The following ITPR2 variants were observed in gnomAD, a reference collection of about 807,000 sequenced individuals.
The protein encoded by ITPR2 is inositol 1,4,5-trisphosphate-gated calcium channel ITPR2.
ITPR2 carries 207 observed loss-of-function variants against 317.1 expected under a neutral mutation model. That is an observed-to-expected ratio of 0.65 (90% CI 0.58 to 0.73). The LOEUF (loss-of-function observed/expected upper bound fraction) is 0.73. Ranked by LOEUF, ITPR2 falls within the 30% of genes least tolerant of loss-of-function variation. The pLI, the probability that ITPR2 is intolerant of heterozygous loss-of-function variation, is 0.00. For synonymous variants in ITPR2, 1,156 were observed against 1,149.1 expected (o/e 1.01, Z -0.12); for missense variants, 2,613 against 3,284.0 (o/e 0.80, Z 4.99).
intron 9 of ITPR2, among the ~76,000 whole-genome samples, chr12:26,697,624 C>A (rs1948374932): frequency 6.6e-6 from 1 of 152,056 alleles, no homozygotes; most frequent in Admixed American, 6.6e-5. Context: ...TCCTGGCCAA[C>A]ATGGTAAGAC....
intron 50 of ITPR2, 45 bp from the exon 51 acceptor site, chr12:26,415,543 G>A: frequency 7.6e-7 from 1 of 1,310,626 alleles, no homozygotes; most frequent in South Asian, 1.9e-5. Context: ...AGGCATTGGA[G>A]GAAAAGGTGA....
intron 37 of ITPR2, among the ~76,000 whole-genome samples, chr12:26,506,284 G>A (rs911221778): frequency 2.8e-4 from 42 of 151,814 alleles, no homozygotes; most frequent in African/African-American, 1.0e-3. Context: ...CCAGGCAGGA[G>A]GATCACTTGA....
chr12:26,420,570 A>G (rs1347019430), intron 49 of ITPR2, among the ~76,000 whole-genome samples: 1 of 152,100 alleles, frequency 6.6e-6, no homozygotes, highest in East Asian at 1.9e-4. Context: ...AGCAACTAAA[A>G]AGGCCAAACC....
At position 26,822,085 on chromosome 12, in the gene ITPR2, T is replaced by G. The variant is rs146829710; in HGVS notation, c.92+10605A>C. On this transcript the variant is annotated intron_variant, in intron 1 of 56. Transcript: ENST00000381340. The stretch of plus-strand genomic sequence containing the variant: ...TTTCATAATTAGTCATTACAGGATC[T>G]CAGAGAGCTAGAGAACTAGACATTA... Among the ~76,000 whole-genome samples the G allele has an allele frequency of 1.0e-3, 158 of 152,318 alleles. 2 individuals carry two copies. In the East Asian group the frequency reaches 0.025, roughly 24 times the overall value.
At chr12:26,496,129 A>C (rs1942926142) in intron 37 of ITPR2, among the ~76,000 whole-genome samples, 1 of 152,240 alleles carries the variant, frequency 6.6e-6, no homozygotes, top group Non-Finnish European at 1.5e-5. Context: ...TAAAAGCATT[A>C]TTTAAGGAAT....
intron 2 of ITPR2, among the ~76,000 whole-genome samples, chr12:26,766,285 T>A (rs1431303481): frequency 6.6e-6 from 1 of 152,028 alleles, no homozygotes; most frequent in Non-Finnish European, 1.5e-5. Context: ...TGGATAATAC[T>A]TTTTATTATC....
rs150061948 is a variant in ITPR2 at position 26,460,585 on chromosome 12, G to A, written c.6342+14711C>T. Among the ~76,000 whole-genome samples the A allele has an allele frequency of 2.1e-4, 32 of 152,310 alleles. No individual in the cohort carries two copies. The East Asian group carries it at 6.2e-3, about 29-fold the overall frequency. Reference sequence around the variant, plus strand: ...AGATGATCAGCCTATCAGACAAATAGGGAAGGAAGCTGAGAAGGTGAAAAG... The same window carrying A: ...AGATGATCAGCCTATCAGACAAATAAGGAAGGAAGCTGAGAAGGTGAAAAG... On this transcript the variant is annotated intron_variant, in intron 45 of 56. Coordinates refer to ENST00000381340, the MANE Select transcript of ITPR2 (RefSeq NM_002223.4).
intron 15 of ITPR2, among the ~76,000 whole-genome samples, chr12:26,662,211 A>C (rs559402701): frequency 4.1e-4 from 62 of 152,286 alleles, no homozygotes; most frequent in Non-Finnish European, 6.5e-4. Context: ...TTTCTTCCCC[A>C]AAAATGTTCA....
chr12:26,679,736 T>C (rs978239292), intron 13 of ITPR2, among the ~76,000 whole-genome samples: 12 of 152,144 alleles, frequency 7.9e-5, no homozygotes, highest in Admixed American at 7.9e-4. Flanking sequence ...CTTTTCTTTT[T>C]TCTTTTTCAA....
In ITPR2 at chr12:26,487,190, T is replaced by G. The variant is rs375572383; in HGVS notation, c.5432A>C (p.Tyr1811Ser). Residue 1811 changes from tyrosine (Y) to serine (S), a missense_variant, in exon 40 of 57, where the codon TAT becomes TCT. This residue lies in a region of ITPR2 where 926 missense variants were observed against 1,072.8 expected (regional missense o/e 0.86). Transcript: ENST00000381340. ...KKSEKFFKVLYDRMKAAQKEI... is the reference protein window; with the variant it reads ...KKSEKFFKVLSDRMKAAQKEI... ...TTTCTGAGCAGCCTTCATTCGATCATAGAGAACTTTAAAGAATTTTTCTGA... is the reference window on the plus strand; with the variant it reads ...TTTCTGAGCAGCCTTCATTCGATCAGAGAGAACTTTAAAGAATTTTTCTGA... 4 of 1,612,096 alleles carry G rather than the reference T, an allele frequency of 2.5e-6. No homozygotes were observed. The highest frequency in any genetic ancestry group is 1.6e-4 in the Middle Eastern group (1 of 6,066).
At chr12:26,782,395 TA>T (rs796278759) in intron 2 of ITPR2, among the ~76,000 whole-genome samples, 3,991 of 136,282 alleles carry the variant, frequency 0.029, 164 homozygotes, top group African/African-American at 0.095. Flanking sequence ...TTAAAAGAAC[TA>T]AAAAAAAAAA....
At chr12:26,820,193 T>G (rs1950918439) in intron 1 of ITPR2, among the ~76,000 whole-genome samples, 1 of 152,182 alleles carries the variant, frequency 6.6e-6, no homozygotes, top group Non-Finnish European at 1.5e-5. Context: ...ATGGCAAGAT[T>G]TAATGACACC....
intron 37 of ITPR2, among the ~76,000 whole-genome samples, chr12:26,498,358 G>A (rs1315246155): frequency 1.3e-5 from 2 of 152,058 alleles, no homozygotes; most frequent in Non-Finnish European, 2.9e-5. Flanking sequence ...TTTTTTAAGA[G>A]AAAGTCCTTT....
At chr12:26,643,583 T>C (rs1001487562) in intron 21 of ITPR2, among the ~76,000 whole-genome samples, 1 of 152,158 alleles carries the variant, frequency 6.6e-6, no homozygotes, top group Non-Finnish European at 1.5e-5. Flanking sequence ...GGTAGAAATA[T>C]GGATGGTAAA....
intron 2 of ITPR2, among the ~76,000 whole-genome samples, chr12:26,774,845 T>A (rs1221121854): frequency 6.6e-6 from 1 of 152,182 alleles, no homozygotes; most frequent in Non-Finnish European, 1.5e-5. Flanking sequence ...TGCAGAAGTG[T>A]ATTGTGGAAC....
intron 37 of ITPR2, among the ~76,000 whole-genome samples, chr12:26,502,293 A>G (rs1286811426): frequency 6.6e-6 from 1 of 152,198 alleles, no homozygotes; most frequent in East Asian, 1.9e-4. Context: ...AATGGATTTT[A>G]CTGCTTGTAA....
At chr12:26,708,913 GTT>G (rs1948601698) in intron 9 of ITPR2, among the ~76,000 whole-genome samples, 2 of 152,236 alleles carry the variant, frequency 1.3e-5, no homozygotes, top group South Asian at 4.1e-4. Flanking sequence ...AAATTAAAAA[GTT>G]TAAGAAAGAA....
At chr12:26,756,101 A>G (rs1473062157) in intron 2 of ITPR2, among the ~76,000 whole-genome samples, 1 of 152,228 alleles carries the variant, frequency 6.6e-6, no homozygotes, top group Non-Finnish European at 1.5e-5. Flanking sequence ...TTATACAAAT[A>G]AACAGGCCAA....
At chr12:26,497,218 A>C (rs1445966009) in intron 37 of ITPR2, among the ~76,000 whole-genome samples, 1 of 149,610 alleles carries the variant, frequency 6.7e-6, no homozygotes, top group Non-Finnish European at 1.5e-5. Context: ...CAGTGGCACA[A>C]TCTCGGCTCA....
Sources: allele counts gnomAD v4.1 joint callset (sites outside exome capture counted in the v4.1 genomes callset), GRCh38; gene constraint gnomAD v4.1.1; regional missense constraint gnomAD v4.1.1; transcripts MANE v1.5; gene names NCBI Gene and HGNC (gene_info 2026-07-23, HGNC 2026-07-21).